Variants in MAPRE1 observed in about 807,000 individuals in gnomAD.
MAPRE1 encodes microtubule-associated protein RP/EB family member 1.
MAPRE1 carries 5 observed loss-of-function variants against 32.1 expected under a neutral mutation model. The observed-to-expected ratio is 0.16, with a 90% CI of 0.08 to 0.33. The LOEUF (loss-of-function observed/expected upper bound fraction) is 0.33. MAPRE1 is among the 10% of genes least tolerant of loss of function. The probability of loss-of-function intolerance (pLI) is 1.00; values close to 1 mark genes in which losing one functional copy is unlikely to be tolerated. For missense variants in MAPRE1, 209 were observed against 327.2 expected (o/e 0.64, Z 2.79); for synonymous variants, 122 against 118.9 (o/e 1.03, Z -0.17).
chr20:32,844,827 A>T (rs1390207875), intron 5 of MAPRE1, among the ~76,000 whole-genome samples: 1 of 152,152 alleles, frequency 6.6e-6, no homozygotes, highest in Non-Finnish European at 1.5e-5. Context: ...TGTAGCTCTG[A>T]GTCTGCTTCC....
In MAPRE1 at chr20:32,840,855, G is replaced by A. The variant is rs374145391; in HGVS notation, c.597+999G>A. Reference sequence around the variant, plus strand: ...TTTTGAGACGGAGTCTTGCTGTGTCGCCCAGGCTGGAGTGCAGTGGCGTGA... The same window carrying A: ...TTTTGAGACGGAGTCTTGCTGTGTCACCCAGGCTGGAGTGCAGTGGCGTGA... On this transcript the variant is annotated intron_variant, in intron 5 of 6. Transcript: ENST00000375571. 1.3e-4 allele frequency among the ~76,000 whole-genome samples: 20 copies of A among 151,874 alleles called. 1 individual carries two copies. Among genetic ancestry groups the A allele is most frequent in the Admixed American group, 9.2e-4 (14 of 15,254 alleles).
rs778221336 is a variant in MAPRE1 at position 32,846,732 on chromosome 20, G to A, written c.712G>A (p.Val238Ile). ...GGAGAACGAGGGGGAAAACGACCCT[G>A]TATTGCAGAGGATTGTAGACATTCT... The part of the protein sequence containing the change: ...CQENEGENDP[V>I]LQRIVDILYA... The change falls in exon 6 of 7, where the codon GTA becomes ATA. Residue 238 changes from valine (V) to isoleucine (I), a missense_variant. Coordinates refer to ENST00000375571, the MANE Select transcript of MAPRE1 (RefSeq NM_012325.3). The A allele has an allele frequency of 1.4e-5, 22 of 1,614,076 alleles. No homozygotes were observed. Among genetic ancestry groups the A allele is most frequent in the Non-Finnish European group, 1.8e-5 (21 of 1,180,036 alleles).
At chr20:32,835,492 A>T (rs1228106562) in intron 3 of MAPRE1, among the ~76,000 whole-genome samples, 1 of 151,280 alleles carries the variant, frequency 6.6e-6, no homozygotes, top group Non-Finnish European at 1.5e-5. Flanking sequence ...AGCATGTTTT[A>T]ATAGGATTTG....
At chr20:32,831,814 T>G (rs1276261567) in intron 2 of MAPRE1, among the ~76,000 whole-genome samples, 2 of 152,038 alleles carry the variant, frequency 1.3e-5, no homozygotes, top group Non-Finnish European at 2.9e-5. Context: ...GGATTACAGG[T>G]GTGAGCCACC....
intron 5 of MAPRE1, among the ~76,000 whole-genome samples, chr20:32,845,190 A>C (rs1460014746): frequency 6.6e-6 from 1 of 151,932 alleles, no homozygotes; most frequent in Non-Finnish European, 1.5e-5. Context: ...ATAGGCATAC[A>C]CCACCCTACC....
chr20:32,830,739 CTTTT>C (rs5841119), intron 2 of MAPRE1, among the ~76,000 whole-genome samples: 1 of 141,834 alleles, frequency 7.1e-6, no homozygotes, highest in Non-Finnish European at 1.5e-5. Context: ...TCTCTTCAAA[CTTTT>C]TTTTTTTTTT....
chr20:32,836,984 G>C, intron 4 of MAPRE1, 143 bp downstream of exon 4: 1 of 769,750 alleles, frequency 1.3e-6, no homozygotes, highest in Non-Finnish European at 2.1e-6. Flanking sequence ...TATGGATTTT[G>C]GCATCAGGCA....
chr20:32,833,447 A>G (rs753774733), intron 2 of MAPRE1, among the ~76,000 whole-genome samples: 12 of 152,156 alleles, frequency 7.9e-5, no homozygotes, highest in East Asian at 1.9e-4. Context: ...ATGATTACCA[A>G]TAAAGAACAG....
chr20:32,846,818 G>A, intron 6 of MAPRE1, 48 bp downstream of exon 6: 2 of 1,582,326 alleles, frequency 1.3e-6, no homozygotes, highest in South Asian at 1.1e-5. Context: ...ACATAGAAGG[G>A]TTGGTGAACT....
Position 32,848,745 on chromosome 20 carries a change from A to T in MAPRE1, c.*17A>T. 1 of 1,605,730 alleles carries T rather than the reference A, an allele frequency of 6.2e-7. No individual in the cohort carries two copies. On this transcript the variant is annotated 3_prime_UTR_variant, in exon 7 of 7. Transcript: ENST00000375571. ...GAGTATTAACAGCCTGGACCAGCAG[A>T]GCAACATCGGAATTCTTCACTCCAA...
intron 5 of MAPRE1, among the ~76,000 whole-genome samples, chr20:32,845,959 C>T (rs977800452): frequency 3.3e-5 from 5 of 152,310 alleles, no homozygotes; most frequent in Admixed American, 1.3e-4. Flanking sequence ...TTGCAACTTG[C>T]ATTCATTGAC....
At chr20:32,846,526 A>G in intron 5 of MAPRE1, 92 bp from the exon 6 acceptor site, 1 of 1,243,840 alleles carries the variant, frequency 8.0e-7, no homozygotes, top group South Asian at 1.3e-5. Context: ...GGTTTGATCA[A>G]AGACCACATC....
chr20:32,821,292 A>G (rs1601156925), intron 1 of MAPRE1, among the ~76,000 whole-genome samples: 1 of 152,212 alleles, frequency 6.6e-6, no homozygotes, highest in East Asian at 1.9e-4. Context: ...TTGGGATTAC[A>G]GGTGTGAGCC....
intron 3 of MAPRE1, among the ~76,000 whole-genome samples, chr20:32,835,053 C>A (rs1983148460): frequency 6.6e-6 from 1 of 152,042 alleles, no homozygotes; most frequent in Non-Finnish European, 1.5e-5. Flanking sequence ...CAACTGGAAT[C>A]TTTGGAGATT....
intron 2 of MAPRE1, among the ~76,000 whole-genome samples, chr20:32,832,240 G>A (rs576382150): frequency 2.6e-5 from 4 of 152,288 alleles, no homozygotes; most frequent in African/African-American, 9.6e-5. Flanking sequence ...TTAACCACTG[G>A]TTTAGCTTCC....
At chr20:32,838,140 C>T (rs554346503) in intron 4 of MAPRE1, among the ~76,000 whole-genome samples, 1 of 152,184 alleles carries the variant, frequency 6.6e-6, no homozygotes, top group East Asian at 1.9e-4. Flanking sequence ...TTCCCACTTT[C>T]CCCAGCTTTA....
intron 2 of MAPRE1, 140 bp from the exon 3 acceptor site, chr20:32,833,577 C>T (rs1426012123): frequency 2.3e-5 from 15 of 652,520 alleles, no homozygotes; most frequent in Non-Finnish European, 3.9e-5. Context: ...TAGAAATTGA[C>T]TTCACATGAA....
At chr20:32,842,287 G>GT (rs1568882594) in intron 5 of MAPRE1, among the ~76,000 whole-genome samples, 1 of 152,054 alleles carries the variant, frequency 6.6e-6, no homozygotes, top group Non-Finnish European at 1.5e-5. Flanking sequence ...AGGTTTCACC[G>GT]TGTTAGCCAG....
chr20:32,830,392 C>G (rs751400284), intron 2 of MAPRE1, among the ~76,000 whole-genome samples: 2 of 152,144 alleles, frequency 1.3e-5, no homozygotes, highest in Non-Finnish European at 2.9e-5. Flanking sequence ...ATACTTTTGC[C>G]CTACCTGTCA....
Sources: gnomAD v4.1 joint callset for allele counts (sites outside exome capture counted in the v4.1 genomes callset) on GRCh38, gnomAD v4.1.1 for gene constraint, MANE v1.5 for transcripts, NCBI Gene and HGNC (gene_info 2026-07-23, HGNC 2026-07-21) for gene names.